The following MS4A14 variants were observed in gnomAD, a reference collection of about 807,000 sequenced individuals.
The protein encoded by MS4A14 is membrane-spanning 4-domains subfamily A member 14.
A neutral mutation model predicts 16.7 loss-of-function variants in MS4A14; 18 were observed. The observed-to-expected ratio is 1.08, with a 90% CI of 0.75 to 1.60. MS4A14 has a LOEUF of 1.60. MS4A14 is among the 40% of genes most tolerant of loss of function. The pLI is 0.00. For synonymous variants in MS4A14, 305 were observed against 289.4 expected, an observed-to-expected ratio of 1.05 and a Z score of -0.55; for missense variants, 812 against 775.3, an observed-to-expected ratio of 1.05 and a Z score of -0.56.
chr11:60,406,007 A>G, intron 4 of MS4A14: 1 of 1,416,136 alleles, frequency 7.1e-7, no homozygotes, highest in South Asian at 1.4e-5. Flanking sequence ...GATGTCTCTT[A>G]ATATTATTAA....
chr11:60,406,917 A>T (rs1378212410), intron 4 of MS4A14, among the ~76,000 whole-genome samples: 1 of 147,972 alleles, frequency 6.8e-6, no homozygotes, highest in East Asian at 2.0e-4. Context: ...ACACAGAAAT[A>T]TGTTTTTGAG....
intron 4 of MS4A14, among the ~76,000 whole-genome samples, chr11:60,411,976 G>A (rs1312307182): frequency 1.3e-5 from 2 of 151,940 alleles, no homozygotes; most frequent in Non-Finnish European, 2.9e-5. Context: ...TCTCATGAAA[G>A]GCATTTCATC....
intron 4 of MS4A14, among the ~76,000 whole-genome samples, chr11:60,412,563 A>G (rs1295324843): frequency 6.6e-6 from 1 of 151,856 alleles, no homozygotes; most frequent in African/African-American, 2.4e-5. Context: ...TTTACTCTCT[A>G]TAAGGTCAGT....
intron 4 of MS4A14, among the ~76,000 whole-genome samples, chr11:60,412,652 T>C (rs2085884527): frequency 6.6e-6 from 1 of 151,976 alleles, no homozygotes; most frequent in Non-Finnish European, 1.5e-5. Flanking sequence ...GGTTTATCAA[T>C]TTTGTTGATC....
chr11:60,414,238 G>T (rs2085905798), intron 4 of MS4A14, among the ~76,000 whole-genome samples: 2 of 152,054 alleles, frequency 1.3e-5, no homozygotes, highest in Admixed American at 6.6e-5. Flanking sequence ...AAAGTTTGAG[G>T]ATTCTTAGAA....
At chr11:60,403,194 C>A in intron 4 of MS4A14, 133 bp downstream of exon 4, 1 of 961,036 alleles carries the variant, frequency 1.0e-6, no homozygotes, top group Non-Finnish European at 1.6e-6. Flanking sequence ...GAGAAGGGTA[C>A]CATGGGGTTA....
At chr11:60,397,087 T>C (rs536612709) in intron 1 of MS4A14, among the ~76,000 whole-genome samples, 8 of 152,024 alleles carry the variant, frequency 5.3e-5, no homozygotes, top group Non-Finnish European at 8.8e-5. Context: ...ATGCAAAACG[T>C]TTTTCATCAC....
intron 2 of MS4A14, among the ~76,000 whole-genome samples, chr11:60,398,476 A>G (rs7926688): frequency 5.9e-5 from 9 of 152,314 alleles, no homozygotes; most frequent in African/African-American, 2.2e-4. Flanking sequence ...TTCTTAATAC[A>G]GTGCTATTTC....
chr11:60,414,006 C>T (rs892425077), intron 4 of MS4A14, among the ~76,000 whole-genome samples: 2 of 152,022 alleles, frequency 1.3e-5, no homozygotes, highest in African/African-American at 4.8e-5. Context: ...AACCTCAATT[C>T]CCTCAATTCT....
intron 4 of MS4A14, chr11:60,404,801 A>G: frequency 3.7e-6 from 1 of 270,104 alleles, no homozygotes; most frequent in Non-Finnish European, 7.4e-6. Context: ...ATAGCTCCCA[A>G]TCCTTCTTCA....
In MS4A14 at chr11:60,417,199, C is replaced by A; in HGVS notation, c.*191C>A. 1 of 616,474 alleles carries A rather than the reference C, an allele frequency of 1.6e-6. No homozygotes were observed. The highest frequency in any genetic ancestry group is 2.7e-6 in the Non-Finnish European group (1 of 375,730). The allele number at this position is 616,474 out of a possible 1,614,324, so 38.2% of individuals were successfully genotyped here. On this transcript the variant is annotated 3_prime_UTR_variant, in exon 5 of 5. Coordinates refer to ENST00000300187, the MANE Select transcript of MS4A14 (RefSeq NM_032597.5). ...ACACTCAAGATAAAGACCAACAAGA[C>A]CTTCAATCCAGAGTTACACAAAAAG...
chr11:60,409,961 G>C (rs2085845256), intron 4 of MS4A14, among the ~76,000 whole-genome samples: 2 of 152,064 alleles, frequency 1.3e-5, no homozygotes, highest in African/African-American at 4.8e-5. Context: ...TGATTCTCCT[G>C]TTTCAGTCTC....
At chr11:60,415,092 TG>T (rs1325796019) in intron 4 of MS4A14, among the ~76,000 whole-genome samples, 3 of 152,126 alleles carry the variant, frequency 2.0e-5, no homozygotes, top group Admixed American at 2.0e-4. Context: ...TTAGTTCATC[TG>T]GGTGATCAAT....
intron 2 of MS4A14, chr11:60,398,241 A>G (rs953974335): frequency 3.6e-6 from 1 of 279,910 alleles, no homozygotes; most frequent in Non-Finnish European, 6.8e-6. Context: ...CCAACCTGGG[A>G]GACTAGATGC....
intron 4 of MS4A14, among the ~76,000 whole-genome samples, chr11:60,407,061 C>CTGGAA (rs1188080076): frequency 8.2e-6 from 1 of 122,098 alleles, no homozygotes; most frequent in Non-Finnish European, 1.6e-5. Context: ...ATGACCCAGG[C>CTGGAA]TGGAATGCAG....
At chr11:60,400,835 C>A (rs12281658) in intron 3 of MS4A14, among the ~76,000 whole-genome samples, 2,055 of 152,248 alleles carry the variant, frequency 0.013, 13 homozygotes, top group Middle Eastern at 0.037. Context: ...AGGGACATTT[C>A]TAAGCATCTA....
intron 3 of MS4A14, 147 bp downstream of exon 3, chr11:60,400,601 C>T (rs2085698908): frequency 1.9e-6 from 1 of 532,474 alleles, no homozygotes; most frequent in Non-Finnish European, 3.4e-6. Flanking sequence ...TTGCCAGTGC[C>T]ACTGTTTGCC....
At position 60,415,536 on chromosome 11, in the gene MS4A14, A is replaced by G; in HGVS notation, c.568A>G (p.Ser190Gly). The G allele has an allele frequency of 6.2e-7, 1 of 1,613,798 alleles. No individual in the cohort carries two copies. Among genetic ancestry groups the G allele is most frequent in the East Asian group, 2.2e-5 (1 of 44,862 alleles). ...ATTTGTGCTTCAAGAAGAGTTTTCC[A>G]GTGATGATTCAACAACAAATGCACA... is the stretch of plus-strand genomic sequence containing the variant. ...LQFVLQEEFS[S>G]DDSTTNAQSV... Residue 190 changes from serine (S) to glycine (G), a missense_variant, in exon 5 of 5, where the codon AGT becomes GGT. Physicochemically the swap from Ser to Gly is moderately conservative, Grantham distance 56. Transcript: ENST00000300187.
intron 4 of MS4A14, among the ~76,000 whole-genome samples, chr11:60,406,961 A>T (rs1177509852): frequency 7.1e-6 from 1 of 139,922 alleles, no homozygotes; most frequent in Non-Finnish European, 1.5e-5. Flanking sequence ...TCAAGAATTC[A>T]TTCCCTTTAT....
Sources: allele counts gnomAD v4.1 joint callset (sites outside exome capture counted in the v4.1 genomes callset), GRCh38; gene constraint gnomAD v4.1.1; transcripts MANE v1.5; gene names NCBI Gene and HGNC (gene_info 2026-07-23, HGNC 2026-07-21).